NRXN3: variants seen among roughly 807,000 people sequenced by gnomAD.
The protein encoded by NRXN3 is neurexin 3.
In NRXN3, 32 loss-of-function variants were observed where a neutral mutation model predicts 137.6. The observed-to-expected ratio is 0.23, with a 90% CI of 0.18 to 0.31. NRXN3 has a LOEUF of 0.31. Among genes scored for constraint, NRXN3 ranks in the 10% least tolerant of loss-of-function variants. The pLI is 1.00. For missense variants in NRXN3, 1,574 were observed against 2,062.5 expected, an observed-to-expected ratio of 0.76 and a Z score of 4.59; for synonymous variants, 798 against 784.5, an observed-to-expected ratio of 1.02 and a Z score of -0.29.
chr14:79,862,034 T>C lies in NRXN3; in HGVS notation c.*70T>C. The C allele has an allele frequency of 3.1e-6, 4 of 1,289,740 alleles. No homozygotes were observed. The South Asian group carries it at 5.8e-5, about 19-fold the overall frequency. The allele number at this position is 1,289,740 out of a possible 1,614,324, so 79.9% of individuals were successfully genotyped here. A position where few individuals can be genotyped will look rare whatever the true frequency, so the allele number is the denominator to read the frequency against. ...TCCACGCCTATGAATCTTTGGACGG[T>C]GAGATCTCACAGATGTCAGAACTGC... On this transcript the variant is annotated 3_prime_UTR_variant, in exon 21 of 21. Transcript: ENST00000335750.
At chr14:78,720,987 A>G (rs1306773409) in intron 8 of NRXN3, among the ~76,000 whole-genome samples, 1 of 152,196 alleles carries the variant, frequency 6.6e-6, no homozygotes, top group Admixed American at 6.5e-5. Flanking sequence ...GAGAAGACAC[A>G]CTTTCTGTCC....
intron 15 of NRXN3, among the ~76,000 whole-genome samples, chr14:79,278,862 T>C (rs1663025493): frequency 6.6e-6 from 1 of 152,138 alleles, no homozygotes; most frequent in African/African-American, 2.4e-5. Flanking sequence ...CACACGCGCC[T>C]GGAGAGTGGT....
chr14:79,238,236 G>T (rs533201768), intron 15 of NRXN3, among the ~76,000 whole-genome samples: 1 of 152,110 alleles, frequency 6.6e-6, no homozygotes, highest in South Asian at 2.1e-4. Flanking sequence ...TTAATACTAG[G>T]CCTCACAAAT....
At chr14:78,873,305 A>G (rs1002905146) in intron 10 of NRXN3, among the ~76,000 whole-genome samples, 2 of 152,342 alleles carry the variant, frequency 1.3e-5, no homozygotes, top group African/African-American at 4.8e-5. Flanking sequence ...CGAACTATAC[A>G]GCCTTTATTT....
chr14:78,224,625 A>G (rs1458308901), intron 1 of NRXN3, among the ~76,000 whole-genome samples: 7 of 152,030 alleles, frequency 4.6e-5, no homozygotes, highest in Admixed American at 4.6e-4. Flanking sequence ...TTATGGCTGC[A>G]TAGTATTCCA....
chr14:79,330,081 C>T (rs1039787399), intron 15 of NRXN3, among the ~76,000 whole-genome samples: 28 of 152,008 alleles, frequency 1.8e-4, no homozygotes, highest in African/African-American at 3.9e-4. Context: ...CTGCCCGCCT[C>T]GGCCTCCCAA....
In NRXN3 at chr14:78,657,568, A is replaced by C. The variant is rs570344860; in HGVS notation, c.1221+6242A>C. Among the ~76,000 whole-genome samples, 10 of 152,374 alleles carry C rather than the reference A, an allele frequency of 6.6e-5. No individual in the cohort carries two copies. In the South Asian group the frequency reaches 8.3e-4, roughly 13 times the overall value. On this transcript the variant is annotated intron_variant, in intron 6 of 20. Transcript: ENST00000335750. ...ACATATTTAAAGGAAAAAGGATTGG[A>C]TAGAACATCATTGTGCACATTACAT...
rs533952625 is a variant in NRXN3 at position 78,543,817 on chromosome 14, A to G, written c.758-101303A>G. The stretch of plus-strand genomic sequence containing the variant: ...CCTAGTTTCCTTCAAAAGGGTCTTG[A>G]GTGCAGGTAGCCTCTTCAGGGTAGA... On this transcript the variant is annotated intron_variant, in intron 4 of 20. Coordinates refer to ENST00000335750, the MANE Select transcript of NRXN3 (RefSeq NM_001330195.2). Among the ~76,000 whole-genome samples, 4 of 152,256 alleles carry G rather than the reference A, an allele frequency of 2.6e-5. No homozygotes were observed. The East Asian group carries it at 7.7e-4, about 29-fold the overall frequency.
rs541388185 is a variant in NRXN3, at chr14:78,320,984, C to T, written c.757+23124C>T. 3.3e-5 allele frequency among the ~76,000 whole-genome samples: 5 copies of T among 150,686 alleles called. No homozygotes were observed. In the South Asian group the frequency reaches 6.2e-4, roughly 19 times the overall value. On this transcript the variant is annotated intron_variant, in intron 4 of 20. Coordinates refer to ENST00000335750, the MANE Select transcript of NRXN3 (RefSeq NM_001330195.2). Reference sequence around the variant, plus strand: ...TGCAAAAATTACCTGGGTGAGGTGGCGCATGCCTGTAATCCCAGCTACTCA... The same window carrying T: ...TGCAAAAATTACCTGGGTGAGGTGGTGCATGCCTGTAATCCCAGCTACTCA...
chr14:79,859,406 A>C (rs2099409686), intron 20 of NRXN3, among the ~76,000 whole-genome samples: 1 of 152,202 alleles, frequency 6.6e-6, no homozygotes, highest in African/African-American at 2.4e-5. Context: ...CTCTTAGCAC[A>C]CCTGAAACCT....
intron 4 of NRXN3, among the ~76,000 whole-genome samples, chr14:78,496,780 G>A (rs1226582046): frequency 6.6e-6 from 1 of 151,950 alleles, no homozygotes; most frequent in Non-Finnish European, 1.5e-5. Context: ...CGTTATTTGG[G>A]GAATATAAGG....
intron 10 of NRXN3, among the ~76,000 whole-genome samples, chr14:78,813,328 A>G (rs2098920536): frequency 6.6e-6 from 1 of 152,076 alleles, no homozygotes; most frequent in African/African-American, 2.4e-5. Context: ...TCATAGCTTG[A>G]CCTGTTACAG....
intron 17 of NRXN3, among the ~76,000 whole-genome samples, chr14:79,690,789 T>A (rs1353128896): frequency 6.6e-6 from 1 of 152,110 alleles, no homozygotes; most frequent in Non-Finnish European, 1.5e-5. Flanking sequence ...CCTCAGCCAA[T>A]AATGACTCCT....
rs527684452 is a variant in NRXN3, at chr14:79,331,108, T to C, written c.3263-136113T>C. ...GGGATGCTAAGGGCAACATCCTTTGTGATAATGAAAGCCTTATAATGTATT... is the reference window on the plus strand; with the variant it reads ...GGGATGCTAAGGGCAACATCCTTTGCGATAATGAAAGCCTTATAATGTATT... On this transcript the variant is annotated intron_variant, in intron 15 of 20. Coordinates refer to ENST00000335750, the MANE Select transcript of NRXN3 (RefSeq NM_001330195.2). Among the ~76,000 whole-genome samples, 363 of 152,350 alleles carry C rather than the reference T, an allele frequency of 2.4e-3. 2 individuals carry two copies. Among genetic ancestry groups the C allele is most frequent in the African/African-American group, 8.3e-3 (346 of 41,592 alleles).
chr14:79,597,839 C>T (rs2097875930), intron 16 of NRXN3, among the ~76,000 whole-genome samples: 1 of 152,072 alleles, frequency 6.6e-6, no homozygotes. Context: ...ATGGTGTTTG[C>T]AGTCAGTCTT....
At position 79,845,616 on chromosome 14, in the gene NRXN3, CGG is replaced by C. The variant is rs1479270704; in HGVS notation, c.4094-15725_4094-15724del. 2.0e-4 allele frequency among the ~76,000 whole-genome samples: 23 copies of C among 114,060 alleles called. 1 individual carries two copies. Among genetic ancestry groups the C allele is most frequent in the African/African-American group, 4.3e-4 (12 of 27,862 alleles). 74.8% of individuals were successfully genotyped at this position (114,060 alleles called of 152,430 possible). ...AGAGAGAGAGAGACAGAGAGAGAGA[CGG>C]AGACGGGGAGAGAGACGGAGACGGG... is the stretch of plus-strand genomic sequence containing the variant. On this transcript the variant is annotated intron_variant, in intron 20 of 20. Transcript: ENST00000335750.
chr14:78,542,411 C>G (rs61052532), intron 4 of NRXN3, among the ~76,000 whole-genome samples: 3,176 of 152,346 alleles, frequency 0.021, 97 homozygotes, highest in African/African-American at 0.069. Context: ...GCCCCTCCCC[C>G]AGCCAGGCTG....
intron 10 of NRXN3, among the ~76,000 whole-genome samples, chr14:78,883,756 G>C (rs1234542819): frequency 6.6e-6 from 1 of 152,176 alleles, no homozygotes; most frequent in African/African-American, 2.4e-5. Context: ...CTCAGAAAAT[G>C]CAGAGAGCTT....
At chr14:78,623,196 A>G (rs963103219) in intron 4 of NRXN3, among the ~76,000 whole-genome samples, 1 of 152,184 alleles carries the variant, frequency 6.6e-6, no homozygotes, top group African/African-American at 2.4e-5. Flanking sequence ...TGTTAATTCA[A>G]TGTTTTCCTC....
Sources: allele counts gnomAD v4.1 joint callset (sites outside exome capture counted in the v4.1 genomes callset), GRCh38; gene constraint gnomAD v4.1.1; transcripts MANE v1.5; gene names NCBI Gene and HGNC (gene_info 2026-07-23, HGNC 2026-07-21).